Variants in MAMLD1 observed in about 807,000 individuals in gnomAD.
The protein encoded by MAMLD1 is mastermind-like domain-containing protein 1.
A neutral mutation model predicts 45.0 loss-of-function variants in MAMLD1; 14 were observed. The observed-to-expected ratio is 0.31, with a 90% CI of 0.21 to 0.49. MAMLD1 has a LOEUF of 0.49. Among genes scored for constraint, MAMLD1 ranks in the 20% least tolerant of loss-of-function variants. MAMLD1 has a pLI of 0.99. For missense variants in MAMLD1, 543 were observed against 603.6 expected, an observed-to-expected ratio of 0.90 and a Z score of 1.05; for synonymous variants, 254 against 247.8, an observed-to-expected ratio of 1.02 and a Z score of -0.24.
intron 1 of MAMLD1, among the ~76,000 whole-genome samples, chrX:150,376,232 T>G (rs930219707): frequency 5.3e-5 from 6 of 112,329 alleles, no homozygotes; most frequent in Non-Finnish European, 1.1e-4. Flanking sequence ...AATTTGTTCT[T>G]TTTGAAATTA....
chrX:150,446,071 G>A lies in MAMLD1; in HGVS notation c.96+459G>A, dbSNP rs2035478671. On this transcript the variant is annotated intron_variant, in intron 2 of 7. Coordinates refer to ENST00000370401, the MANE Select transcript of MAMLD1 (RefSeq NM_005491.5). ...CTGTTGTCCTTTTAGAAACTCATCT[G>A]ACACACTTCTACTTTCCTCCCTGGG... Among the ~76,000 whole-genome samples, 4 of 111,750 alleles carry A rather than the reference G, an allele frequency of 3.6e-5. No homozygotes were observed. The Admixed American group carries it at 3.8e-4, about 11-fold the overall frequency.
At chrX:150,469,696 T>C (rs1265255128) in intron 3 of MAMLD1, 49 bp from the exon 4 acceptor site, 13 of 842,433 alleles carry the variant, frequency 1.5e-5, no homozygotes, top group Non-Finnish European at 2.2e-5. Flanking sequence ...TCACCTCTCT[T>C]CCCTTCTCCT....
At chrX:150,408,014 T>A (rs1325624472) in intron 1 of MAMLD1, among the ~76,000 whole-genome samples, 1 of 111,527 alleles carries the variant, frequency 9.0e-6, no homozygotes, top group East Asian at 2.8e-4. Context: ...GAGGGGACAG[T>A]GGTGGGCTAG....
rs1569564635 is a variant in MAMLD1 at position 150,398,342 on chromosome X, AGG to A, written c.-64+34813_-64+34814del. Among the ~76,000 whole-genome samples, 61 of 65,066 alleles carry A rather than the reference AGG, an allele frequency of 9.4e-4. 2 individuals are homozygous for A. Among genetic ancestry groups the A allele is most frequent in the East Asian group, 2.8e-3 (6 of 2,127 alleles). The allele number at this position is 65,066 out of a possible 115,157, so 56.5% of individuals were successfully genotyped here. On this transcript the variant is annotated intron_variant, in intron 1 of 7. Coordinates refer to ENST00000370401, the MANE Select transcript of MAMLD1 (RefSeq NM_005491.5). ...GAAGAAGAAGAAGAAGAAGAAGAAG[AGG>A]AAGAGGAAGAGGAAGAGGAAGAGGA...
At chrX:150,464,981 A>G (rs1279345960) in intron 3 of MAMLD1, among the ~76,000 whole-genome samples, 3 of 112,222 alleles carry the variant, frequency 2.7e-5, no homozygotes, top group Non-Finnish European at 5.6e-5. Context: ...ACCACAGGCG[A>G]TTTTCACCTT....
At chrX:150,409,417 C>G (rs934175410) in intron 1 of MAMLD1, among the ~76,000 whole-genome samples, 1 of 110,537 alleles carries the variant, frequency 9.0e-6, no homozygotes, top group Non-Finnish European at 1.9e-5. Flanking sequence ...GCCAAGCTCG[C>G]GATTGGAGGC....
intron 1 of MAMLD1, among the ~76,000 whole-genome samples, chrX:150,442,090 T>A (rs1557404572): frequency 9.2e-6 from 1 of 108,698 alleles, no homozygotes; most frequent in African/African-American, 3.3e-5. Context: ...TTATCTAATA[T>A]CACTAGAGCC....
chrX:150,434,325 T>C (rs1311669847), intron 1 of MAMLD1, among the ~76,000 whole-genome samples: 1 of 111,107 alleles, frequency 9.0e-6, no homozygotes, highest in Non-Finnish European at 1.9e-5. Context: ...TAGTGGTCTA[T>C]CTGTCTTATT....
chrX:150,427,713 A>T (rs2034761331), intron 1 of MAMLD1, among the ~76,000 whole-genome samples: 1 of 111,942 alleles, frequency 8.9e-6, no homozygotes, highest in Admixed American at 9.5e-5. Flanking sequence ...AATGCAGCTC[A>T]CCTTTGGACG....
At chrX:150,440,144 A>G (rs2035249484) in intron 1 of MAMLD1, among the ~76,000 whole-genome samples, 1 of 111,414 alleles carries the variant, frequency 9.0e-6, no homozygotes, top group Non-Finnish European at 1.9e-5. Context: ...TTAACATAGC[A>G]TATTATGGTA....
At chrX:150,473,605 T>A in intron 4 of MAMLD1, 75 bp from the exon 5 acceptor site, 1 of 1,067,208 alleles carries the variant, frequency 9.4e-7, no homozygotes, top group Non-Finnish European at 1.3e-6. Flanking sequence ...GCAAAGCACA[T>A]AGGACACGGC....
intron 5 of MAMLD1, among the ~76,000 whole-genome samples, chrX:150,492,828 C>T (rs976684608): frequency 8.9e-6 from 1 of 112,062 alleles, no homozygotes; most frequent in African/African-American, 3.2e-5. Context: ...AACCATTGGG[C>T]CTCTTCATCT....
intron 5 of MAMLD1, among the ~76,000 whole-genome samples, chrX:150,484,368 T>C (rs1231904766): frequency 1.8e-5 from 2 of 112,394 alleles, no homozygotes; most frequent in East Asian, 5.5e-4. Flanking sequence ...GCAGAATAAT[T>C]ACATCACAAG....
chrX:150,398,254 GAAGAAGAAGAAGAAGAAGA>G (rs2033519047), intron 1 of MAMLD1, among the ~76,000 whole-genome samples: 1 of 21,874 alleles, frequency 4.6e-5, no homozygotes, highest in Non-Finnish European at 8.3e-5. Flanking sequence ...AGGAGAAGGA[GAAGAAGAAGAAGAAGAAGA>G]AGAAGAAGAA....
chrX:150,384,149 T>C (rs2032802804), intron 1 of MAMLD1, among the ~76,000 whole-genome samples: 1 of 112,128 alleles, frequency 8.9e-6, no homozygotes, highest in Non-Finnish European at 1.9e-5. Context: ...AATTTTTGCA[T>C]CATATGGTAA....
chrX:150,493,454 T>A (rs2037253436), intron 5 of MAMLD1, among the ~76,000 whole-genome samples: 1 of 112,256 alleles, frequency 8.9e-6, no homozygotes, highest in African/African-American at 3.2e-5. Flanking sequence ...AAAGGAAATC[T>A]TTTTTTGGAA....
At chrX:150,503,729 C>A (rs1406135150) in intron 6 of MAMLD1, among the ~76,000 whole-genome samples, 2 of 112,463 alleles carry the variant, frequency 1.8e-5, no homozygotes, top group African/African-American at 6.5e-5. Flanking sequence ...GGCAAAGGGA[C>A]AACCCAAGCA....
chrX:150,372,191 G>T (rs1557401104), intron 1 of MAMLD1, among the ~76,000 whole-genome samples: 2 of 112,336 alleles, frequency 1.8e-5, no homozygotes, highest in African/African-American at 6.5e-5. Flanking sequence ...CAGCAAAGGG[G>T]CATATTAGAA....
At chrX:150,446,955 T>C (rs782586283) in intron 2 of MAMLD1, among the ~76,000 whole-genome samples, 2 of 112,470 alleles carry the variant, frequency 1.8e-5, no homozygotes, top group African/African-American at 6.5e-5. Context: ...TGTTGATGGA[T>C]TGTGGATGCA....
Sources: gnomAD v4.1 joint callset for allele counts (sites outside exome capture counted in the v4.1 genomes callset) on GRCh38, gnomAD v4.1.1 for gene constraint, MANE v1.5 for transcripts, NCBI Gene and HGNC (gene_info 2026-07-23, HGNC 2026-07-21) for gene names.